The following SRD5A2 variants were observed in gnomAD, a reference collection of about 807,000 sequenced individuals.
The protein encoded by SRD5A2 is steroid 5 alpha-reductase 2, also known as 3-oxo-5-alpha-steroid 4-dehydrogenase 2.
Under a neutral mutation model 27.4 loss-of-function variants are expected in SRD5A2, and 30 were observed. That is an observed-to-expected ratio of 1.10 (90% confidence interval 0.82 to 1.49). The LOEUF (loss-of-function observed/expected upper bound fraction) is 1.49. Among genes scored for constraint, SRD5A2 ranks in the 40% most tolerant of loss-of-function variants. The pLI is 0.00. For missense variants in SRD5A2, 348 were observed against 323.4 expected (o/e 1.08, Z -0.58); for synonymous variants, 141 against 133.6 (o/e 1.06, Z -0.38).
the SRD5A2 span, among the ~76,000 whole-genome samples, chr2:31,595,126 C>A: frequency 6.6e-6 from 1 of 152,080 alleles, no homozygotes; most frequent in African/African-American, 2.4e-5. Flanking sequence ...CACAAATAGA[C>A]AACCTAAGCT....
At chr2:31,546,444 G>T (rs369226695) in intron 1 of SRD5A2, among the ~76,000 whole-genome samples, 3 of 152,088 alleles carry the variant, frequency 2.0e-5, no homozygotes, top group African/African-American at 4.8e-5. Flanking sequence ...TATACATCTT[G>T]GAATACTATG....
chr2:31,659,975 C>T, the SRD5A2 span, among the ~76,000 whole-genome samples: 1 of 151,704 alleles, frequency 6.6e-6, no homozygotes, highest in Non-Finnish European at 1.5e-5. Flanking sequence ...TTTTTTCTAG[C>T]TCATTAATCT....
the SRD5A2 span, among the ~76,000 whole-genome samples, chr2:31,613,605 G>C: frequency 1.3e-5 from 2 of 152,286 alleles, no homozygotes; most frequent in African/African-American, 4.8e-5. Context: ...AAGTAGTATG[G>C]AAGTTCTTCA....
At chr2:31,575,062 C>T (rs757264806) in intron 1 of SRD5A2, among the ~76,000 whole-genome samples, 1 of 152,172 alleles carries the variant, frequency 6.6e-6, no homozygotes, top group Non-Finnish European at 1.5e-5. Flanking sequence ...AATTATGATT[C>T]AGGAACATCC....
At position 31,523,987 on chromosome 2, in the gene SRD5A2, A is replaced by C. The variant is rs556505735; in HGVS notation, c.*2209T>G. The C allele has an allele frequency of 3.6e-5, 8 of 219,324 alleles. No individual in the cohort carries two copies. Among genetic ancestry groups the C allele is most frequent in the African/African-American group, 1.8e-4 (8 of 44,678 alleles). 13.6% of individuals were successfully genotyped at this position (219,324 alleles called of 1,614,324 possible). A position where few individuals can be genotyped will look rare whatever the true frequency, so the allele number is the denominator to read the frequency against. ...ACGATCATGCTAACTTGAAAGGTCC[A>C]CGATCAGGCAACAGGACTGGGGTTG... On this transcript the variant is annotated 3_prime_UTR_variant, in exon 5 of 5. Transcript: ENST00000622030.
At chr2:31,605,101 G>A in the SRD5A2 span, among the ~76,000 whole-genome samples, 6 of 151,742 alleles carry the variant, frequency 4.0e-5, no homozygotes, top group African/African-American at 1.5e-4. Context: ...ATATCAATAG[G>A]CAGAAGAATA....
the SRD5A2 span, among the ~76,000 whole-genome samples, chr2:31,590,345 T>G: frequency 4.6e-5 from 7 of 152,192 alleles, no homozygotes; most frequent in Admixed American, 2.6e-4. Flanking sequence ...TATCCTCTTT[T>G]ATTTCACTGA....
the SRD5A2 span, among the ~76,000 whole-genome samples, chr2:31,646,351 T>G: frequency 1.3e-5 from 2 of 152,184 alleles, no homozygotes; most frequent in Non-Finnish European, 2.9e-5. Context: ...CATGGTTGCA[T>G]TAGGCTTCTT....
At chr2:31,627,435 T>C in the SRD5A2 span, among the ~76,000 whole-genome samples, 4 of 149,596 alleles carry the variant, frequency 2.7e-5, no homozygotes, top group African/African-American at 1.0e-4. Flanking sequence ...TGTACGGGGG[T>C]GTGTGTGTGT....
At chr2:31,567,433 G>GGT (rs557711508) in intron 1 of SRD5A2, among the ~76,000 whole-genome samples, 5,284 of 145,480 alleles carry the variant, frequency 0.036, 139 homozygotes, top group African/African-American at 0.048. Context: ...GGTGCAATTT[G>GGT]GTGTGTGTGT....
At chr2:31,620,888 A>T in the SRD5A2 span, among the ~76,000 whole-genome samples, 1 of 147,338 alleles carries the variant, frequency 6.8e-6, no homozygotes, top group Non-Finnish European at 1.5e-5. Context: ...AATTTAAAAG[A>T]TCCATTATAT....
chr2:31,563,431 A>G (rs1053640127), intron 1 of SRD5A2: 1 of 152,124 alleles, frequency 6.6e-6, no homozygotes, highest in African/African-American at 2.4e-5. Flanking sequence ...AACACTGGAT[A>G]TTAGGCAATG....
intron 1 of SRD5A2, among the ~76,000 whole-genome samples, chr2:31,557,524 T>C (rs1051856191): frequency 3.3e-5 from 5 of 152,172 alleles, no homozygotes; most frequent in Non-Finnish European, 7.4e-5. Flanking sequence ...GGTTATACCA[T>C]AGGAAAAACT....
rs566650659 is a variant in SRD5A2, at chr2:31,564,663, G to A, written c.281+15957C>T. The stretch of plus-strand genomic sequence containing the variant: ...AAAGTAGGCAAAGATAAGAAGATAC[G>A]TTAAGTACAGAGGACAAGGATAAGG... On this transcript the variant is annotated intron_variant, in intron 1 of 4. Transcript: ENST00000622030. 1.2e-4 allele frequency among the ~76,000 whole-genome samples: 19 copies of A among 152,060 alleles called. No homozygotes were observed. The South Asian group carries it at 2.3e-3, about 18-fold the overall frequency.
At chr2:31,551,647 T>G (rs1346375643) in intron 1 of SRD5A2, among the ~76,000 whole-genome samples, 1 of 152,190 alleles carries the variant, frequency 6.6e-6, no homozygotes, top group Admixed American at 6.5e-5. Context: ...ACTGAATGCA[T>G]TTTGCTTTCA....
the SRD5A2 span, among the ~76,000 whole-genome samples, chr2:31,595,084 A>T: frequency 6.6e-6 from 1 of 152,168 alleles, no homozygotes; most frequent in Non-Finnish European, 1.5e-5. Flanking sequence ...AGTTCATAGC[A>T]TTAAATGCTT....
the SRD5A2 span, among the ~76,000 whole-genome samples, chr2:31,660,318 A>T: frequency 6.6e-6 from 1 of 152,172 alleles, no homozygotes; most frequent in African/African-American, 2.4e-5. Context: ...AATGCACTCT[A>T]TAACAACCCT....
At chr2:31,584,692 C>A (rs1180689004), upstream of SRD5A2, among the ~76,000 whole-genome samples, 1 of 152,038 alleles carries the variant, frequency 6.6e-6, no homozygotes, top group Non-Finnish European at 1.5e-5. Flanking sequence ...GCAAAAATAT[C>A]CAAACAGAAC....
chr2:31,640,324 C>T, the SRD5A2 span, among the ~76,000 whole-genome samples: 2 of 152,000 alleles, frequency 1.3e-5, no homozygotes, highest in Non-Finnish European at 2.9e-5. Flanking sequence ...TGACAAATCA[C>T]CTTCTTGTTA....
Sources: allele counts gnomAD v4.1 joint callset (sites outside exome capture counted in the v4.1 genomes callset), GRCh38; gene constraint gnomAD v4.1.1; transcripts MANE v1.5; gene names NCBI Gene and HGNC (gene_info 2026-07-23, HGNC 2026-07-21).